CPEB3: variants seen among roughly 807,000 people sequenced by gnomAD.
The protein encoded by CPEB3 is cytoplasmic polyadenylation element-binding protein 3.
CPEB3 carries 20 observed loss-of-function variants against 67.2 expected under a neutral mutation model. That is an observed-to-expected ratio of 0.30 (90% CI 0.21 to 0.43). CPEB3 has a LOEUF of 0.43. Ranked by LOEUF, CPEB3 falls within the 20% of genes least tolerant of loss-of-function variation. The probability of loss-of-function intolerance (pLI) is 1.00; values close to 1 mark genes in which losing one functional copy is unlikely to be tolerated. For synonymous variants in CPEB3, 376 were observed against 393.1 expected (o/e 0.96, Z 0.51); for missense variants, 746 against 968.6 (o/e 0.77, Z 3.05).
chr10:92,077,868 C>T (rs933293323), intron 9 of CPEB3, among the ~76,000 whole-genome samples: 19 of 151,762 alleles, frequency 1.3e-4, no homozygotes, highest in South Asian at 4.2e-4. Flanking sequence ...TCAGGGCAAA[C>T]GAAGAAGATG....
In CPEB3 at chr10:92,095,336, CTGCAGAATTAATCAACATAGA is replaced by C. The variant is rs562657097; in HGVS notation, c.1573-3413_1573-3393del. 3.5e-3 allele frequency among the ~76,000 whole-genome samples: 539 copies of C among 152,266 alleles called. 4 individuals carry two copies. The highest frequency in any genetic ancestry group is 9.2e-3 in the Admixed American group (140 of 15,284). On this transcript the variant is annotated intron_variant, in intron 7 of 9. Transcript: ENST00000265997. Reference sequence around the variant, plus strand: ...AAACAGTTGCTCAGAGCTGTCACCTCTGCAGAATTAATCAACATAGATGCAGAATTAATCAACATAGAACAA... The same window carrying C: ...AAACAGTTGCTCAGAGCTGTCACCTCTGCAGAATTAATCAACATAGAACAA...
intron 1 of CPEB3, among the ~76,000 whole-genome samples, chr10:92,248,670 G>T (rs960341255): frequency 1.3e-5 from 2 of 152,138 alleles, no homozygotes; most frequent in African/African-American, 4.8e-5. Context: ...AAGGGGAGTG[G>T]TATAAAATAG....
At position 92,239,047 on chromosome 10, in the gene CPEB3, C is replaced by T. The variant is rs74149394; in HGVS notation, c.1005+299G>A. Reference sequence around the variant, plus strand: ...ACCTTGCCACACACTTGCAGCTTTACTTGTCAAAGGAAGTCAAAATAAGAG... The same window carrying T: ...ACCTTGCCACACACTTGCAGCTTTATTTGTCAAAGGAAGTCAAAATAAGAG... On this transcript the variant is annotated intron_variant, in intron 2 of 9. Transcript: ENST00000265997. The surrounding 1 kb of genome is among the most constrained non-coding windows in gnomAD (Gnocchi z 6.0). Among the ~76,000 whole-genome samples, 815 of 152,242 alleles carry T rather than the reference C, an allele frequency of 5.4e-3. 8 individuals are homozygous for T. Among genetic ancestry groups the T allele is most frequent in the African/African-American group, 0.019 (776 of 41,524 alleles).
intron 2 of CPEB3, among the ~76,000 whole-genome samples, chr10:92,205,731 C>A (rs535929266): frequency 6.6e-6 from 1 of 152,146 alleles, no homozygotes; most frequent in South Asian, 2.1e-4. Flanking sequence ...CCACCTCAGC[C>A]TCCCAAAGTG....
At chr10:92,288,048 G>A (rs1842617154) in intron 1 of CPEB3, among the ~76,000 whole-genome samples, 1 of 152,166 alleles carries the variant, frequency 6.6e-6, no homozygotes, top group Admixed American at 6.5e-5. Context: ...GTTATAGCAT[G>A]TATCATAACT....
At chr10:92,247,701 CGGGGTTTCACCTTGTTCACCA>C (rs1218803296) in intron 1 of CPEB3, among the ~76,000 whole-genome samples, 1 of 151,906 alleles carries the variant, frequency 6.6e-6, no homozygotes, top group Non-Finnish European at 1.5e-5. Context: ...TAAGTAGAGA[CGGGGTTTCACCTTGTTCACCA>C]GGCTGGTCTC....
intron 6 of CPEB3, among the ~76,000 whole-genome samples, chr10:92,124,837 C>A (rs1159625158): frequency 6.6e-6 from 1 of 152,142 alleles, no homozygotes; most frequent in Non-Finnish European, 1.5e-5. Flanking sequence ...CAGATTTAGA[C>A]AAGTTGAAGG....
At chr10:92,248,561 T>C (rs1043884868) in intron 1 of CPEB3, among the ~76,000 whole-genome samples, 21 of 152,228 alleles carry the variant, frequency 1.4e-4, no homozygotes, top group South Asian at 2.1e-4. Context: ...GATGGATGAA[T>C]AAAGCATAGT....
chr10:92,087,937 G>A (rs112928974), intron 8 of CPEB3, among the ~76,000 whole-genome samples: 15 of 152,240 alleles, frequency 9.9e-5, no homozygotes, highest in African/African-American at 2.9e-4. Context: ...ATGGTGGCAC[G>A]GTGAGTCTAC....
At chr10:92,203,572 C>T (rs528521755) in intron 2 of CPEB3, among the ~76,000 whole-genome samples, 3 of 149,456 alleles carry the variant, frequency 2.0e-5, no homozygotes, top group South Asian at 2.1e-4. Context: ...AGCCTGCCAC[C>T]ATGCCTGGCT....
intron 1 of CPEB3, among the ~76,000 whole-genome samples, chr10:92,284,458 G>C (rs1564932792): frequency 6.6e-6 from 1 of 152,078 alleles, no homozygotes; most frequent in Non-Finnish European, 1.5e-5. Flanking sequence ...TTCACTCACT[G>C]ATATTTTTGG....
intron 4 of CPEB3, among the ~76,000 whole-genome samples, chr10:92,165,213 G>A (rs1482199365): frequency 6.6e-6 from 1 of 152,146 alleles, no homozygotes; most frequent in Non-Finnish European, 1.5e-5. Flanking sequence ...TTAAGAGGCT[G>A]AGGTGGGAGG....
intron 4 of CPEB3, among the ~76,000 whole-genome samples, chr10:92,180,006 CT>C (rs1848393890): frequency 6.6e-6 from 1 of 152,118 alleles, no homozygotes; most frequent in African/African-American, 2.4e-5. Context: ...TCTGATATCA[CT>C]CATTTACTAG....
chr10:92,150,428 C>T (rs571636081), intron 4 of CPEB3, among the ~76,000 whole-genome samples: 2 of 152,174 alleles, frequency 1.3e-5, no homozygotes, highest in East Asian at 1.9e-4. Flanking sequence ...AGGACTATTC[C>T]GTTAATAAAT....
At position 92,239,646 on chromosome 10, in the gene CPEB3, G is replaced by T; in HGVS notation, c.705C>A (p.Ala235=). ...AVAAAAAAAA[A]SSASSSWNTH... ...TGTTCCAGCTGGACGAGGCCGACGA[G>T]GCGGCGGCTGCGGCAGCAGCGGCTG... The change falls in exon 2 of 10, where the codon GCC becomes GCA. Residue 235 remains alanine, a synonymous_variant. Transcript: ENST00000265997. The surrounding 1 kb of genome is among the most constrained non-coding windows in gnomAD (Gnocchi z 6.0). 1 of 1,561,228 alleles carries T rather than the reference G, an allele frequency of 6.4e-7. No homozygotes were observed. Among genetic ancestry groups the T allele is most frequent in the Non-Finnish European group, 8.7e-7 (1 of 1,153,688 alleles).
intron 2 of CPEB3, among the ~76,000 whole-genome samples, chr10:92,233,857 C>T (rs948087229): frequency 1.2e-4 from 19 of 152,004 alleles, no homozygotes; most frequent in African/African-American, 4.3e-4. Flanking sequence ...TGCCGGTAAT[C>T]CCAGCACTTT....
chr10:92,106,227 C>CA (rs1844445876), intron 7 of CPEB3, among the ~76,000 whole-genome samples: 1 of 137,890 alleles, frequency 7.3e-6, no homozygotes, highest in South Asian at 2.4e-4. Context: ...TACTATTAAC[C>CA]TTTTTTTTTT....
chr10:92,216,884 G>C, intron 2 of CPEB3: 1 of 1,191,766 alleles, frequency 8.4e-7, no homozygotes, highest in South Asian at 1.3e-5. Flanking sequence ...CCACACTGAC[G>C]GCATCTTCCC....
intron 1 of CPEB3, among the ~76,000 whole-genome samples, chr10:92,259,525 C>T (rs1051363767): frequency 6.6e-6 from 1 of 151,604 alleles, no homozygotes; most frequent in Non-Finnish European, 1.5e-5. Context: ...CTCTTGAACC[C>T]GGGAGGCGGA....
Sources: gnomAD v4.1 joint callset for allele counts (sites outside exome capture counted in the v4.1 genomes callset) on GRCh38, gnomAD v4.1.1 for gene constraint, Gnocchi (gnomAD v3.1) non-coding constraint, MANE v1.5 for transcripts, NCBI Gene and HGNC (gene_info 2026-07-23, HGNC 2026-07-21) for gene names.